The following IGF2BP3 variants were observed in gnomAD, a reference collection of about 807,000 sequenced individuals.
IGF2BP3 encodes insulin like growth factor 2 mRNA binding protein 3, also known as insulin-like growth factor 2 mRNA-binding protein 3.
IGF2BP3 carries 9 observed loss-of-function variants against 73.8 expected under a neutral mutation model. The ratio of observed to expected loss-of-function variants is 0.12; its 90% confidence interval spans 0.07 to 0.21. The LOEUF (loss-of-function observed/expected upper bound fraction) is 0.21. Among genes scored for constraint, IGF2BP3 ranks in the 10% least tolerant of loss-of-function variants. The pLI is 1.00. For synonymous variants in IGF2BP3, 258 were observed against 256.7 expected (o/e 1.01, Z -0.05); for missense variants, 542 against 714.0 (o/e 0.76, Z 2.75).
chr7:23,368,609 C>T (rs2128510730), intron 3 of IGF2BP3, among the ~76,000 whole-genome samples: 1 of 152,078 alleles, frequency 6.6e-6, no homozygotes, highest in East Asian at 1.9e-4. Flanking sequence ...TATCTATTAA[C>T]ATACTAGGCC....
At chr7:23,426,445 T>C (rs771043657) in intron 2 of IGF2BP3, among the ~76,000 whole-genome samples, 7 of 152,048 alleles carry the variant, frequency 4.6e-5, no homozygotes, top group Non-Finnish European at 8.8e-5. Context: ...TTAAAAAATA[T>C]CTTTCTTAAC....
chr7:23,416,561 T>C (rs1584018706), intron 3 of IGF2BP3, among the ~76,000 whole-genome samples: 3 of 152,364 alleles, frequency 2.0e-5, no homozygotes, highest in Admixed American at 6.5e-5. Context: ...GACTATTTCC[T>C]CTGTGGTGAC....
At chr7:23,398,663 G>A (rs1196896535) in intron 3 of IGF2BP3, among the ~76,000 whole-genome samples, 1 of 152,202 alleles carries the variant, frequency 6.6e-6, no homozygotes, top group Non-Finnish European at 1.5e-5. Flanking sequence ...CTGATGGCCA[G>A]TGATGATGAG....
chr7:23,370,848 T>C (rs948376422), intron 3 of IGF2BP3, among the ~76,000 whole-genome samples: 1 of 152,034 alleles, frequency 6.6e-6, no homozygotes, highest in Non-Finnish European at 1.5e-5. Context: ...CAGCTAATTT[T>C]TTGTATTTTT....
At chr7:23,358,478 C>T (rs1785150340) in intron 5 of IGF2BP3, among the ~76,000 whole-genome samples, 1 of 152,174 alleles carries the variant, frequency 6.6e-6, no homozygotes, top group African/African-American at 2.4e-5. Flanking sequence ...ATTGGAAGTC[C>T]AGGCTCAAGC....
intron 2 of IGF2BP3, among the ~76,000 whole-genome samples, chr7:23,437,331 A>G (rs1787829608): frequency 6.6e-6 from 1 of 150,944 alleles, no homozygotes; most frequent in Non-Finnish European, 1.5e-5. Context: ...AAAAACACCA[A>G]AAGTAGCCAG....
intron 10 of IGF2BP3, among the ~76,000 whole-genome samples, chr7:23,334,732 C>A (rs1398909246): frequency 6.6e-6 from 1 of 152,174 alleles, no homozygotes; most frequent in African/African-American, 2.4e-5. Context: ...AACAGAAGAA[C>A]AAAGCTGCTC....
intron 12 of IGF2BP3, among the ~76,000 whole-genome samples, chr7:23,316,212 G>A (rs536679842): frequency 1.3e-5 from 2 of 152,160 alleles, no homozygotes; most frequent in African/African-American, 4.8e-5. Flanking sequence ...CACCTCCTTC[G>A]TTTCCCATTC....
At chr7:23,343,239 A>G (rs1413562916) in intron 9 of IGF2BP3, among the ~76,000 whole-genome samples, 3 of 152,222 alleles carry the variant, frequency 2.0e-5, no homozygotes, top group African/African-American at 4.8e-5. Flanking sequence ...TATATGCATT[A>G]TATCTATTGT....
At chr7:23,323,597 C>G (rs1315035472) in intron 10 of IGF2BP3, among the ~76,000 whole-genome samples, 1 of 150,718 alleles carries the variant, frequency 6.6e-6, no homozygotes, top group African/African-American at 2.5e-5. Context: ...AACTCTCTAC[C>G]CCAAATCAAC....
intron 10 of IGF2BP3, 26 bp from the exon 11 acceptor site, chr7:23,319,280 C>T (rs1784073406): frequency 6.8e-7 from 1 of 1,462,880 alleles, no homozygotes; most frequent in African/African-American, 1.4e-5. Flanking sequence ...GCCAGGACAC[C>T]CATGTTTATT....
chr7:23,469,588 C>G lies in IGF2BP3; in HGVS notation c.175+348G>C, dbSNP rs1455758414. 6.4e-6 allele frequency: 1 copy of G among 157,262 alleles called. No individual in the cohort carries two copies. The highest frequency in any genetic ancestry group is 2.4e-5 in the African/African-American group (1 of 41,656). The allele number at this position is 157,262 out of a possible 1,614,324, so 9.7% of individuals were successfully genotyped here. On this transcript the variant is annotated intron_variant, in intron 1 of 14. Transcript: ENST00000258729. This position sits in a 1 kb window ranked among gnomAD's most constrained non-coding sequence, Gnocchi z 6.1. ...CACAGGCGGGCATTCTAGCTCGGCC[C>G]CCGAGGCCCAGCGTGCCGGGGCCTG...
chr7:23,391,105 T>TA, intron 3 of IGF2BP3, among the ~76,000 whole-genome samples: 1 of 148,986 alleles, frequency 6.7e-6, no homozygotes, highest in East Asian at 2.0e-4. Flanking sequence ...GGCTTTTTTT[T>TA]TTTTTTTTTT....
chr7:23,339,849 C>T (rs535990317), intron 10 of IGF2BP3, among the ~76,000 whole-genome samples: 2 of 152,166 alleles, frequency 1.3e-5, no homozygotes, highest in African/African-American at 4.8e-5. Context: ...CTGCCCTAAA[C>T]CAATCCTATG....
intron 3 of IGF2BP3, among the ~76,000 whole-genome samples, chr7:23,395,369 G>T (rs532350527): frequency 1.3e-5 from 2 of 152,008 alleles, no homozygotes; most frequent in African/African-American, 2.4e-5. Context: ...CTGGCACCAA[G>T]ATTTCCATTT....
intron 2 of IGF2BP3, among the ~76,000 whole-genome samples, chr7:23,461,700 G>A (rs1342531257): frequency 2.0e-5 from 3 of 152,170 alleles, no homozygotes; most frequent in Admixed American, 2.0e-4. Flanking sequence ...TATTACAACT[G>A]TGCTAAATGC....
chr7:23,461,025 C>T (rs1788439313), intron 2 of IGF2BP3, among the ~76,000 whole-genome samples: 1 of 152,020 alleles, frequency 6.6e-6, no homozygotes, highest in Non-Finnish European at 1.5e-5. Context: ...AGGTTACATC[C>T]CAGGTTGCTC....
chr7:23,391,597 A>G (rs1786279945), intron 3 of IGF2BP3, among the ~76,000 whole-genome samples: 1 of 152,168 alleles, frequency 6.6e-6, no homozygotes, highest in African/African-American at 2.4e-5. Context: ...CAAACAAAAC[A>G]TGAAACTGGG....
intron 3 of IGF2BP3, among the ~76,000 whole-genome samples, chr7:23,382,640 C>T (rs1785946986): frequency 6.6e-6 from 1 of 152,008 alleles, no homozygotes; most frequent in Non-Finnish European, 1.5e-5. Context: ...TATCCAATTG[C>T]TATACACCTT....
Sources: allele counts gnomAD v4.1 joint callset (sites outside exome capture counted in the v4.1 genomes callset), GRCh38; gene constraint gnomAD v4.1.1; non-coding constraint Gnocchi (gnomAD v3.1); transcripts MANE v1.5; gene names NCBI Gene and HGNC (gene_info 2026-07-23, HGNC 2026-07-21).